Variants in UBR4 observed in about 807,000 individuals in gnomAD.
UBR4 encodes the protein E3 ubiquitin-protein ligase UBR4.
In UBR4, 124 loss-of-function variants were observed where a neutral mutation model predicts 575.6. The ratio of observed to expected loss-of-function variants is 0.22; its 90% CI spans 0.19 to 0.25. The LOEUF is 0.25. UBR4 is among the 10% of genes least tolerant of loss of function. The probability of loss-of-function intolerance (pLI) is 1.00; values close to 1 mark genes in which losing one functional copy is unlikely to be tolerated. For synonymous variants in UBR4, 2,455 were observed against 2,473.7 expected (o/e 0.99, Z 0.22); for missense variants, 4,818 against 6,478.8 (o/e 0.74, Z 8.80).
intron 103 of UBR4, chr1:19,080,874 T>G: frequency 6.5e-6 from 1 of 154,862 alleles, no homozygotes; most frequent in Non-Finnish European, 1.4e-5. Flanking sequence ...TATAGGAGAG[T>G]GGTCTAGAGG....
rs750391348 is a variant in UBR4 at position 19,161,637 on chromosome 1, A to G, written c.5127T>C (p.Tyr1709=). 3.7e-6 allele frequency: 6 copies of G among 1,613,988 alleles called. No individual in the cohort carries two copies. The highest frequency in any genetic ancestry group is 5.1e-6 in the Non-Finnish European group (6 of 1,179,924). The change falls in exon 37 of 106, where the codon TAT becomes TAC. Residue 1709 remains tyrosine, a synonymous_variant. Transcript: ENST00000375254. The part of the protein sequence containing the change: ...HKDHEISYAK[Y]GSFFCDCGAK... ...CTCCACAGTCACAGAAGAAGGATCC[A>G]TACTTGGCATAGGAAATCTCATGAT...
chr1:19,184,527 T>C (rs2091336376), intron 15 of UBR4, among the ~76,000 whole-genome samples: 1 of 152,244 alleles, frequency 6.6e-6, no homozygotes, highest in African/African-American at 2.4e-5. Flanking sequence ...GAAGCCTATA[T>C]GAATGATTAT....
intron 1 of UBR4, 97 bp downstream of exon 1, chr1:19,209,976 G>C: frequency 1.5e-6 from 2 of 1,360,078 alleles, no homozygotes; most frequent in South Asian, 1.7e-5. Context: ...GGATCCTCAA[G>C]GGGGCAGGGG....
chr1:19,155,220 C>T lies in UBR4; in HGVS notation c.6301-145G>A, dbSNP rs1290245765. ...CCCTGTGGGTAAATCTTACAAAGAC[C>T]CTGAGAAAAATGGAACTTGAAGTTG... On this transcript the variant is annotated intron_variant, in intron 43 of 105. Coordinates refer to ENST00000375254, the MANE Select transcript of UBR4 (RefSeq NM_020765.3). 4.8e-6 allele frequency: 6 copies of T among 1,248,548 alleles called. No individual in the cohort carries two copies. In the Admixed American group the frequency reaches 1.5e-4, roughly 31 times the overall value. 77.3% of individuals were successfully genotyped at this position (1,248,548 alleles called of 1,614,324 possible).
At chr1:19,134,959 GTTTT>G (rs142748824) in intron 60 of UBR4, among the ~76,000 whole-genome samples, 6 of 151,098 alleles carry the variant, frequency 4.0e-5, no homozygotes, top group Non-Finnish European at 8.9e-5. Flanking sequence ...CAGTTTATAG[GTTTT>G]TTTTTCCTTT....
At position 19,152,324 on chromosome 1, in the gene UBR4, C is replaced by T; in HGVS notation, c.6985G>A (p.Ala2329Thr). 1 of 1,613,924 alleles carries T rather than the reference C, an allele frequency of 6.2e-7. No homozygotes were observed. Among genetic ancestry groups the T allele is most frequent in the South Asian group, 1.1e-5 (1 of 91,072 alleles). ...HRLNSTGMYV[A>T]NTKPGGFTIE... is the part of the protein sequence containing the mutation. ...AGTGCCATTCTTACCTTGGTGTTGG[C>T]CACATACATGCCAGTGGAATTCAGC... Residue 2329 changes from alanine to threonine, a missense_variant, in exon 47 of 106, where the codon GCC becomes ACC. This residue lies in a region of UBR4 where 461 missense variants were observed against 606.9 expected (regional missense o/e 0.76). Transcript: ENST00000375254. This position sits in a 1 kb window ranked among gnomAD's most constrained non-coding sequence, Gnocchi z 4.4.
At chr1:19,114,617 T>C (rs1390345257) in intron 75 of UBR4, among the ~76,000 whole-genome samples, 194 bp downstream of exon 75, 1 of 152,222 alleles carries the variant, frequency 6.6e-6, no homozygotes, top group Non-Finnish European at 1.5e-5. Flanking sequence ...TTTTCTAAAA[T>C]CCTATGCAAA....
At chr1:19,177,167 T>C (rs954613013) in intron 19 of UBR4, among the ~76,000 whole-genome samples, 5 of 152,238 alleles carry the variant, frequency 3.3e-5, no homozygotes, top group African/African-American at 1.2e-4. Flanking sequence ...CAAGGGCCGA[T>C]GCTCAGGGCA....
Position 19,160,009 on chromosome 1 carries a change from A to G in UBR4, c.5577+102T>C, listed in dbSNP as rs769071656. 45 of 1,443,172 alleles carry G rather than the reference A, an allele frequency of 3.1e-5. 1 individual carries two copies. Among genetic ancestry groups the G allele is most frequent in the African/African-American group, 4.3e-5 (3 of 70,264 alleles). The allele number at this position is 1,443,172 out of a possible 1,614,324, so 89.4% of individuals were successfully genotyped here. On this transcript the variant is annotated intron_variant, in intron 39 of 105. Transcript: ENST00000375254. ...CTAAGTTTTGGATGGCCAAGCATCAACTGCTCTAAGTATACTCCTCAGAGC... is the reference window on the plus strand; with the variant it reads ...CTAAGTTTTGGATGGCCAAGCATCAGCTGCTCTAAGTATACTCCTCAGAGC...
At chr1:19,136,410 G>T (rs1290348226) in intron 60 of UBR4, among the ~76,000 whole-genome samples, 3 of 152,152 alleles carry the variant, frequency 2.0e-5, no homozygotes, top group Non-Finnish European at 4.4e-5. Context: ...AGAAGGTACA[G>T]CTATTAGTTA....
In UBR4 at chr1:19,141,276, T is replaced by C. The variant is rs113095636; in HGVS notation, c.8488+71A>G. On this transcript the variant is annotated intron_variant, in intron 57 of 105. Transcript: ENST00000375254. The stretch of plus-strand genomic sequence containing the variant: ...GGGGACAAACTAAGTCAGCTGGATA[T>C]CAGTAACTGCCAAACCCTCTTTTCC... 79 of 1,604,890 alleles carry C rather than the reference T, an allele frequency of 4.9e-5. 1 individual carries two copies. In the African/African-American group the frequency reaches 7.6e-4, roughly 15 times the overall value.
intron 17 of UBR4, among the ~76,000 whole-genome samples, chr1:19,182,662 C>T (rs557943459): frequency 3.5e-4 from 53 of 152,244 alleles, no homozygotes; most frequent in African/African-American, 1.1e-3. Context: ...CCACCTAATG[C>T]GTGTAAGCGA....
chr1:19,166,714 CAAAAAAAAAAAAAAAAAAAAAAAAAAAAA>C lies in UBR4; in HGVS notation c.4109+279_4109+307del, dbSNP rs535369262. On this transcript the variant is annotated intron_variant, in intron 29 of 105. Transcript: ENST00000375254. ...ACAACATGGCAAACTCCATCTCTAC[CAAAAAAAAAAAAAAAAAAAAAAAAAAAAA>C]AAAAAAAAAAAAACCAGCTGGGCAT... 7.9e-4 allele frequency among the ~76,000 whole-genome samples: 58 copies of C among 73,758 alleles called. 1 individual carries two copies. The highest frequency in any genetic ancestry group is 1.8e-3 in the African/African-American group (27 of 15,132). The allele number at this position is 73,758 out of a possible 152,430, so 48.4% of individuals were successfully genotyped here.
chr1:19,124,766 A>G, intron 64 of UBR4, 76 bp from the exon 65 acceptor site: 2 of 1,551,908 alleles, frequency 1.3e-6, no homozygotes, highest in Non-Finnish European at 1.7e-6. Context: ...AGCCTGGCTC[A>G]TTAGACGTAT....
chr1:19,123,546 A>T (rs1479643608), intron 65 of UBR4, among the ~76,000 whole-genome samples: 2 of 152,078 alleles, frequency 1.3e-5, no homozygotes, highest in African/African-American at 4.8e-5. Flanking sequence ...ATATCCTTTA[A>T]TGAGACCAGG....
intron 102 of UBR4, 192 bp from the exon 103 acceptor site, chr1:19,081,765 A>T (rs527782577): frequency 1.4e-6 from 1 of 733,312 alleles, no homozygotes; most frequent in Non-Finnish European, 2.5e-6. Context: ...GTCCCCTTCC[A>T]GGCCCTTCTT....
intron 105 of UBR4, 45 bp downstream of exon 105, chr1:19,076,695 G>C (rs767987037): frequency 5.6e-6 from 9 of 1,613,258 alleles, no homozygotes; most frequent in Non-Finnish European, 7.6e-6. Flanking sequence ...AAGACATGGG[G>C]CTTTGCTGCG....
At position 19,088,476 on chromosome 1, in the gene UBR4, C is replaced by A. The variant is rs1246172782; in HGVS notation, c.14430+283G>T. Among the ~76,000 whole-genome samples, 2 of 152,164 alleles carry A rather than the reference C, an allele frequency of 1.3e-5. No individual in the cohort carries two copies. Among genetic ancestry groups the A allele is most frequent in the Admixed American group, 1.3e-4 (2 of 15,276 alleles). ...TGGAAAATGGGTATAACAATATCAA[C>A]CTCCTAGAACTACTTGAGGGCTTAA... On this transcript the variant is annotated intron_variant, in intron 98 of 105. Transcript: ENST00000375254. This position sits in a 1 kb window ranked among gnomAD's most constrained non-coding sequence, Gnocchi z 4.0.
intron 60 of UBR4, 78 bp downstream of exon 60, chr1:19,137,929 T>G (rs575486336): frequency 7.5e-7 from 1 of 1,326,448 alleles, no homozygotes; most frequent in African/African-American, 1.5e-5. Context: ...CTCTACCTCC[T>G]GCAATTGATC....
Sources: gnomAD v4.1 joint callset for allele counts (sites outside exome capture counted in the v4.1 genomes callset) on GRCh38, gnomAD v4.1.1 for gene constraint, gnomAD v4.1.1 regional missense constraint, Gnocchi (gnomAD v3.1) non-coding constraint, MANE v1.5 for transcripts, NCBI Gene and HGNC (gene_info 2026-07-23, HGNC 2026-07-21) for gene names.